The following OSBPL10 variants were observed in gnomAD, a reference collection of about 807,000 sequenced individuals.
OSBPL10 encodes the protein oxysterol binding protein like 10.
A neutral mutation model predicts 81.7 loss-of-function variants in OSBPL10; 49 were observed. That is an observed-to-expected ratio of 0.60 (90% confidence interval 0.48 to 0.76). The LOEUF is 0.76. Among genes scored for constraint, OSBPL10 ranks in the 30% least tolerant of loss-of-function variants. The pLI is 0.00. For synonymous variants in OSBPL10, 419 were observed against 383.6 expected (o/e 1.09, Z -1.08); for missense variants, 923 against 987.8 (o/e 0.93, Z 0.88).
intron 2 of OSBPL10, among the ~76,000 whole-genome samples, chr3:31,997,878 C>T (rs1699106921): frequency 6.6e-6 from 1 of 152,114 alleles, no homozygotes; most frequent in Non-Finnish European, 1.5e-5. Context: ...GCCTCGACAT[C>T]CTGGGCTCAA....
chr3:31,834,111 T>C (rs1445338610), intron 3 of OSBPL10, among the ~76,000 whole-genome samples: 1 of 152,094 alleles, frequency 6.6e-6, no homozygotes, highest in African/African-American at 2.4e-5. Flanking sequence ...AGGCAGCAAA[T>C]TGCAAGCACT....
chr3:31,764,148 T>C (rs1401831312), intron 4 of OSBPL10, among the ~76,000 whole-genome samples: 1 of 152,212 alleles, frequency 6.6e-6, no homozygotes, highest in South Asian at 2.1e-4. Context: ...TTCTACTCCT[T>C]CTCCACACTT....
At chr3:32,019,133 C>CA in intron 2 of OSBPL10, among the ~76,000 whole-genome samples, 1 of 152,166 alleles carries the variant, frequency 6.6e-6, no homozygotes, top group East Asian at 1.9e-4. Context: ...CATCACCCAC[C>CA]CCCCCAAATT....
Position 31,861,574 on chromosome 3 carries a change from A to G in OSBPL10, c.537+14859T>C, listed in dbSNP as rs74703956. 1.6e-3 allele frequency among the ~76,000 whole-genome samples: 244 copies of G among 152,286 alleles called. 1 individual carries two copies. Among genetic ancestry groups the G allele is most frequent in the African/African-American group, 5.1e-3 (211 of 41,550 alleles). ...TATAGAACTAGAAACTCAGAATTTA[A>G]ATTTTAGCTTGTATCATTGTTCAAA... On this transcript the variant is annotated intron_variant, in intron 3 of 11. Coordinates refer to ENST00000396556, the MANE Select transcript of OSBPL10 (RefSeq NM_017784.5).
intron 7 of OSBPL10, among the ~76,000 whole-genome samples, chr3:31,699,993 G>A (rs997245492): frequency 6.6e-6 from 1 of 152,192 alleles, no homozygotes; most frequent in South Asian, 2.1e-4. Context: ...GGGACAGTAC[G>A]GAGAGAGGAA....
rs574298045 is a variant in OSBPL10 at position 31,824,660 on chromosome 3, AC to A, written c.729+5379del. Among the ~76,000 whole-genome samples the A allele has an allele frequency of 1.6e-3, 249 of 152,278 alleles. 1 individual carries two copies. Among genetic ancestry groups the A allele is most frequent in the African/African-American group, 5.8e-3 (242 of 41,566 alleles). ...GTTTGGACGCAGAGTGAGTGATCAT[AC>A]ATCTGTGCTCTGGCCATTGTCCACC... On this transcript the variant is annotated intron_variant, in intron 4 of 11. Coordinates refer to ENST00000396556, the MANE Select transcript of OSBPL10 (RefSeq NM_017784.5).
chr3:31,844,766 T>C (rs764630766), intron 3 of OSBPL10, among the ~76,000 whole-genome samples: 1 of 152,206 alleles, frequency 6.6e-6, no homozygotes, highest in Non-Finnish European at 1.5e-5. Flanking sequence ...ATCATTTAAT[T>C]GTCCTCTTTA....
At chr3:31,853,721 A>G (rs756931348) in intron 3 of OSBPL10, among the ~76,000 whole-genome samples, 26 of 152,188 alleles carry the variant, frequency 1.7e-4, no homozygotes, top group Non-Finnish European at 3.1e-4. Context: ...CACTTCTGCC[A>G]CATTTCAGGA....
intron 1 of OSBPL10, among the ~76,000 whole-genome samples, chr3:31,978,715 G>A (rs1036067365): frequency 2.6e-5 from 4 of 152,306 alleles, no homozygotes; most frequent in African/African-American, 9.6e-5. Context: ...TAGGCAGACA[G>A]CTATAAATTG....
At chr3:31,846,895 T>G (rs13085479) in intron 3 of OSBPL10, among the ~76,000 whole-genome samples, 4 of 151,852 alleles carry the variant, frequency 2.6e-5, no homozygotes, top group Admixed American at 2.6e-4. Context: ...GTCCTCTATA[T>G]TCCTCTATCC....
intron 3 of OSBPL10, among the ~76,000 whole-genome samples, chr3:31,858,167 AT>A (rs550092858): frequency 5.4e-4 from 82 of 151,666 alleles, no homozygotes; most frequent in Non-Finnish European, 6.8e-4. Context: ...CACCAGGCTA[AT>A]TTTTTTATAT....
In OSBPL10 at chr3:31,981,060, G is replaced by T; in HGVS notation, c.120C>A (p.Val40=). The T allele has an allele frequency of 6.7e-7, 1 of 1,487,418 alleles. No individual in the cohort carries two copies. 92.1% of individuals were successfully genotyped at this position (1,487,418 alleles called of 1,614,324 possible). A position where few individuals can be genotyped will look rare whatever the true frequency, so the allele number is the denominator to read the frequency against. The part of the protein sequence containing the change: ...SPSCSLAGRG[V]SSRSAAAGLG... ...GCCCGGCCGCCGCCGACCGGCTGGA[G>T]ACCCCCCGGCCCGCCAGAGAGCAGG... Residue 40 remains valine, a synonymous_variant, in exon 1 of 12, where the codon GTC becomes GTA. Transcript: ENST00000396556. This position sits in a 1 kb window ranked among gnomAD's most constrained non-coding sequence, Gnocchi z 4.5.
intron 10 of OSBPL10, among the ~76,000 whole-genome samples, chr3:31,667,476 C>T (rs189481393): frequency 7.2e-5 from 11 of 152,334 alleles, no homozygotes; most frequent in Admixed American, 3.9e-4. Flanking sequence ...ATTATTTATA[C>T]ATACTGTGGT....
intron 2 of OSBPL10, chr3:31,989,560 T>C (rs1698994070): frequency 6.2e-7 from 1 of 1,614,200 alleles, no homozygotes; most frequent in African/African-American, 1.3e-5. Context: ...AAGCTTTCAT[T>C]CGCATCTTCC....
chr3:31,975,167 TAC>T (rs1398470539), intron 1 of OSBPL10, among the ~76,000 whole-genome samples: 1 of 152,206 alleles, frequency 6.6e-6, no homozygotes, highest in Non-Finnish European at 1.5e-5. Context: ...AACAATATTA[TAC>T]AGTGTTTTGT....
intron 11 of OSBPL10, chr3:31,662,401 G>A: frequency 8.6e-7 from 1 of 1,157,674 alleles, no homozygotes; most frequent in Non-Finnish European, 1.1e-6. Context: ...CCAAAAAAAA[G>A]AAGCACTTTG....
At chr3:31,867,763 A>AAGGG (rs111336656) in intron 3 of OSBPL10, among the ~76,000 whole-genome samples, 277 of 136,708 alleles carry the variant, frequency 2.0e-3, no homozygotes, top group African/African-American at 5.3e-3. Context: ...GGGAGGAAGG[A>AAGGG]AGGGAGGGAG....
intron 11 of OSBPL10, 171 bp downstream of exon 11, chr3:31,663,908 A>C: frequency 6.7e-7 from 1 of 1,500,674 alleles, no homozygotes; most frequent in Non-Finnish European, 8.9e-7. Flanking sequence ...GTGGCAGAAA[A>C]CCTGTCCTGA....
At chr3:32,057,289 A>AT (rs201429768) in intron 1 of OSBPL10, among the ~76,000 whole-genome samples, 6 of 150,934 alleles carry the variant, frequency 4.0e-5, no homozygotes, top group South Asian at 2.1e-4. Context: ...CTTGCCCCCA[A>AT]TTTTTTTTTG....
Sources: allele counts gnomAD v4.1 joint callset (sites outside exome capture counted in the v4.1 genomes callset), GRCh38; gene constraint gnomAD v4.1.1; non-coding constraint Gnocchi (gnomAD v3.1); transcripts MANE v1.5; gene names NCBI Gene and HGNC (gene_info 2026-07-23, HGNC 2026-07-21).